Variants in TLN2 observed in about 807,000 individuals in gnomAD.
TLN2 encodes the protein talin-2.
A neutral mutation model predicts 294.7 loss-of-function variants in TLN2; 118 were observed. The ratio of observed to expected loss-of-function variants is 0.40; its 90% CI spans 0.34 to 0.47. TLN2 has a LOEUF of 0.47. TLN2 is among the 20% of genes least tolerant of loss of function. The pLI is 0.84. For missense variants in TLN2, 3,083 were observed against 3,282.2 expected, an observed-to-expected ratio of 0.94 and a Z score of 1.48; for synonymous variants, 1,431 against 1,304.5, an observed-to-expected ratio of 1.10 and a Z score of -2.09.
At chr15:62,705,593 G>C (rs569546173) in intron 19 of TLN2, among the ~76,000 whole-genome samples, 11 of 152,090 alleles carry the variant, frequency 7.2e-5, no homozygotes, top group Non-Finnish European at 1.5e-4. Flanking sequence ...ACCAAATCCT[G>C]GCCCCCCATC....
chr15:62,410,908 G>A lies in TLN2; in HGVS notation c.-238+20223G>A, dbSNP rs141951816. 2.8e-4 allele frequency among the ~76,000 whole-genome samples: 43 copies of A among 152,314 alleles called. 2 individuals carry two copies. In the South Asian group the frequency reaches 4.4e-3, roughly 15 times the overall value. On this transcript the variant is annotated intron_variant, in intron 1 of 58. Transcript: ENST00000636159. ...TCCACTGTGCATTCTCCAACGCATAGTGTATCTTGTAAATTCGTGTTTTAT... is the reference window on the plus strand; with the variant it reads ...TCCACTGTGCATTCTCCAACGCATAATGTATCTTGTAAATTCGTGTTTTAT...
At chr15:62,754,908 T>C (rs2062145255) in intron 36 of TLN2, 1 of 152,180 alleles carries the variant, frequency 6.6e-6, no homozygotes, top group Non-Finnish European at 1.5e-5. Flanking sequence ...TTGATATGTA[T>C]TTTTGTCATC....
At position 62,522,999 on chromosome 15, in the gene TLN2, C is replaced by T. The variant is rs532638605; in HGVS notation, c.-237-66688C>T. Among the ~76,000 whole-genome samples the T allele has an allele frequency of 1.2e-4, 18 of 152,024 alleles. No homozygotes were observed. In the South Asian group the frequency reaches 3.8e-3, roughly 32 times the overall value. On this transcript the variant is annotated intron_variant, in intron 1 of 58. Coordinates refer to ENST00000636159, the MANE Select transcript of TLN2 (RefSeq NM_015059.3). ...ACACACTCTCTCACTCACACTCATT[C>T]ACTTCCCTCTTCCCACCCCCGACAA...
chr15:62,722,282 G>A lies in TLN2; in HGVS notation c.2992-71G>A, dbSNP rs988184909. 3.0e-5 allele frequency: 45 copies of A among 1,479,402 alleles called. No individual in the cohort carries two copies. In the Middle Eastern group the frequency reaches 9.9e-4, roughly 33 times the overall value. The allele number at this position is 1,479,402 out of a possible 1,614,324, so 91.6% of individuals were successfully genotyped here. A position where few individuals can be genotyped will look rare whatever the true frequency, so the allele number is the denominator to read the frequency against. On this transcript the variant is annotated intron_variant, in intron 25 of 58. Transcript: ENST00000636159. ...CAGTTCTTACTGCTGTGGAGACCTC[G>A]CTGCTTAGGTCTCTCCTCTCTACCT... is the stretch of plus-strand genomic sequence containing the variant.
At chr15:62,737,430 A>G (rs1478017818) in intron 29 of TLN2, among the ~76,000 whole-genome samples, 1 of 152,180 alleles carries the variant, frequency 6.6e-6, no homozygotes, top group African/African-American at 2.4e-5. Flanking sequence ...GGAATGAGGT[A>G]GATCCGCTAG....
rs962581072 is a variant in TLN2, at chr15:62,835,871, T to C, written c.7192-20T>C. The C allele has an allele frequency of 2.5e-6, 4 of 1,614,034 alleles. No individual in the cohort carries two copies. In the African/African-American group the frequency reaches 4.0e-5, roughly 16 times the overall value. ...AGGGAGGTTTGGGCCTTGGGTCACT[T>C]CTCCGTTGACTGTCCCCAGGCCCGG... is the stretch of plus-strand genomic sequence containing the variant. On this transcript the variant is annotated intron_variant, in intron 56 of 58. Coordinates refer to ENST00000636159, the MANE Select transcript of TLN2 (RefSeq NM_015059.3).
chr15:62,423,279 TGGG>T (rs2034517732), intron 1 of TLN2, among the ~76,000 whole-genome samples: 1 of 152,014 alleles, frequency 6.6e-6, no homozygotes, highest in Non-Finnish European at 1.5e-5. Context: ...CCCAGCTACT[TGGG>T]GGGCTGAGGC....
chr15:62,772,662 TA>T (rs1363761521), intron 42 of TLN2, among the ~76,000 whole-genome samples: 9 of 78,322 alleles, frequency 1.1e-4, no homozygotes, highest in East Asian at 1.0e-3. Context: ...TGGATTTATT[TA>T]TTTATTTTTT....
At chr15:62,783,231 C>T (rs1567596234) in intron 44 of TLN2, among the ~76,000 whole-genome samples, 1 of 152,242 alleles carries the variant, frequency 6.6e-6, no homozygotes, top group Non-Finnish European at 1.5e-5. Context: ...TTATCCAGCA[C>T]TTGTCATTCA....
intron 33 of TLN2, among the ~76,000 whole-genome samples, chr15:62,749,093 G>A (rs1049003524): frequency 6.6e-6 from 1 of 152,196 alleles, no homozygotes; most frequent in African/African-American, 2.4e-5. Context: ...AACCAATGCC[G>A]GTTATATTGA....
At chr15:62,788,160 A>C (rs2064829057) in intron 45 of TLN2, among the ~76,000 whole-genome samples, 1 of 151,558 alleles carries the variant, frequency 6.6e-6, no homozygotes, top group Non-Finnish European at 1.5e-5. Flanking sequence ...CAAATACAAA[A>C]ATTAGCCGGG....
intron 1 of TLN2, among the ~76,000 whole-genome samples, chr15:62,522,155 T>C (rs563050625): frequency 9.8e-5 from 15 of 152,294 alleles, no homozygotes; most frequent in Admixed American, 3.9e-4. Context: ...TGGTTCACAG[T>C]GTGGATGCAC....
chr15:62,454,767 A>G (rs1298886787), intron 1 of TLN2, among the ~76,000 whole-genome samples: 1 of 152,132 alleles, frequency 6.6e-6, no homozygotes, highest in Non-Finnish European at 1.5e-5. Flanking sequence ...ACCCTGGAAC[A>G]CTGGCTTCTT....
At chr15:62,496,475 C>T (rs927731640) in intron 1 of TLN2, among the ~76,000 whole-genome samples, 1 of 152,098 alleles carries the variant, frequency 6.6e-6, no homozygotes, top group Admixed American at 6.5e-5. Context: ...AGACTGTCTA[C>T]CTTCCTCACC....
chr15:62,707,218 G>A lies in TLN2; in HGVS notation c.2137G>A (p.Ala713Thr). ...NRVIAAATQC[A>T]LSTSQLVACA... Reference sequence around the variant, plus strand: ...GGTAATTGCTGCTGCCACCCAGTGTGCCCTCTCCACCTCCCAGCTTGTGGC... The same window carrying A: ...GGTAATTGCTGCTGCCACCCAGTGTACCCTCTCCACCTCCCAGCTTGTGGC... The change falls in exon 20 of 59, where the codon GCC (alanine) becomes ACC (threonine). Residue 713 changes from alanine to threonine, a missense_variant. Ala to Thr is a moderately conservative substitution (Grantham distance 58, BLOSUM62 0). Coordinates refer to ENST00000636159, the MANE Select transcript of TLN2 (RefSeq NM_015059.3). 1 of 1,613,470 alleles carries A rather than the reference G, an allele frequency of 6.2e-7. No homozygotes were observed. The highest frequency in any genetic ancestry group is 1.7e-5 in the Admixed American group (1 of 59,954).
Position 62,737,071 on chromosome 15 carries a change from A to G in TLN2, c.3552A>G (p.Gln1184=). 1 of 1,614,250 alleles carries G rather than the reference A, an allele frequency of 6.2e-7. No individual in the cohort carries two copies. The highest frequency in any genetic ancestry group is 8.5e-7 in the Non-Finnish European group (1 of 1,180,048). ...TTGCACCTGGAGATGCAGAGCGTCA[A>G]CAAAGACTGGCTCAGGTGAGGCTAG... The part of the protein sequence containing the change: ...ALIAPGDAER[Q]QRLAQVAKAV... The change falls in exon 29 of 59, where the codon CAA becomes CAG. Residue 1184 remains glutamine (Q), a synonymous_variant. Coordinates refer to ENST00000636159, the MANE Select transcript of TLN2 (RefSeq NM_015059.3).
intron 1 of TLN2, among the ~76,000 whole-genome samples, chr15:62,517,256 C>G (rs1256483543): frequency 6.6e-6 from 1 of 152,210 alleles, no homozygotes; most frequent in Admixed American, 6.5e-5. Context: ...ACTCCTTAGG[C>G]TCACCCTTGT....
chr15:62,829,871 A>C (rs753828489), intron 54 of TLN2: 1 of 152,142 alleles, frequency 6.6e-6, no homozygotes, highest in Non-Finnish European at 1.5e-5. Context: ...GGATCCCACA[A>C]ATAAGTGGGA....
At position 62,800,653 on chromosome 15, in the gene TLN2, G is replaced by T. The variant is rs765769530; in HGVS notation, c.6361G>T (p.Val2121Leu). ...SMYQLKGAAK[V>L]MVTNVTSLLK... Reference sequence around the variant, plus strand: ...GTATTCATTCTCCCTTCCTATGCAGGTGATGGTGACCAATGTCACCTCGCT... The same window carrying T: ...GTATTCATTCTCCCTTCCTATGCAGTTGATGGTGACCAATGTCACCTCGCT... The change falls in exon 50 of 59, where the codon GTG becomes TTG. Residue 2121 changes from valine (V) to leucine (L), a missense_variant and splice_region_variant. Physicochemically the swap from Val to Leu is conservative, Grantham distance 32. Transcript: ENST00000636159. 6.2e-7 allele frequency: 1 copy of T among 1,614,192 alleles called. No homozygotes were observed. The highest frequency in any genetic ancestry group is 1.1e-5 in the South Asian group (1 of 91,070).
Sources: allele counts gnomAD v4.1 joint callset (sites outside exome capture counted in the v4.1 genomes callset), GRCh38; gene constraint gnomAD v4.1.1; transcripts MANE v1.5; gene names NCBI Gene and HGNC (gene_info 2026-07-23, HGNC 2026-07-21).